The following PLCG2 variants were observed in gnomAD, a reference collection of about 807,000 sequenced individuals.
PLCG2 encodes the protein phospholipase C gamma 2, also known as 1-phosphatidylinositol 4,5-bisphosphate phosphodiesterase gamma-2.
In PLCG2, 69 loss-of-function variants were observed where a neutral mutation model predicts 175.6. The observed-to-expected ratio is 0.39, with a 90% CI of 0.32 to 0.48. PLCG2 has a LOEUF of 0.48. Ranked by LOEUF, PLCG2 falls within the 20% of genes least tolerant of loss-of-function variation. PLCG2 has a pLI of 0.91. For synonymous variants in PLCG2, 827 were observed against 624.0 expected (o/e 1.33, Z -4.85); for missense variants, 1,798 against 1,650.9 (o/e 1.09, Z -1.54).
At chr16:81,947,420 C>G (rs1033319559) in intron 31 of PLCG2, among the ~76,000 whole-genome samples, 2 of 152,204 alleles carry the variant, frequency 1.3e-5, no homozygotes, top group Non-Finnish European at 2.9e-5. Flanking sequence ...CTCGGCATTT[C>G]TGTCCACACT....
Position 81,910,707 on chromosome 16 carries a change from C to G in PLCG2, c.1921C>G (p.His641Asp), listed in dbSNP as rs573799583. ...GGACCCTGTGCCCAACCCCAACCCC[C>G]ACGAGTCCAAGCCGTACGTGTCTGA... ...LTDPVPNPNPHESKPWYYDSL... is the reference protein window; with the variant it reads ...LTDPVPNPNPDESKPWYYDSL... Residue 641 changes from histidine (H) to aspartate (D), a missense_variant, in exon 18 of 33, where the codon CAC becomes GAC. Coordinates refer to ENST00000564138, the MANE Select transcript of PLCG2 (RefSeq NM_002661.5). 1.2e-6 allele frequency: 2 copies of G among 1,609,562 alleles called. No individual in the cohort carries two copies. Among genetic ancestry groups the G allele is most frequent in the East Asian group, 2.2e-5 (1 of 44,874 alleles).
intron 2 of PLCG2, among the ~76,000 whole-genome samples, chr16:81,826,472 C>G (rs1000554678): frequency 2.0e-5 from 3 of 152,222 alleles, no homozygotes; most frequent in Non-Finnish European, 4.4e-5. Flanking sequence ...GTGCCTCAGT[C>G]TCCTCACTGA....
intron 2 of PLCG2, among the ~76,000 whole-genome samples, chr16:81,793,785 G>A (rs1206541026): frequency 6.6e-6 from 1 of 152,228 alleles, no homozygotes; most frequent in African/African-American, 2.4e-5. Flanking sequence ...CAGTGGTCCA[G>A]TGAAGGGGGA....
At chr16:81,855,568 C>T (rs1477518264) in intron 3 of PLCG2, among the ~76,000 whole-genome samples, 2 of 152,192 alleles carry the variant, frequency 1.3e-5, no homozygotes, top group Admixed American at 6.5e-5. Flanking sequence ...AGGTTGTGTA[C>T]ATGCCAGTGA....
chr16:81,782,069 G>A (rs1910760692), intron 1 of PLCG2, among the ~76,000 whole-genome samples: 1 of 152,042 alleles, frequency 6.6e-6, no homozygotes, highest in African/African-American at 2.4e-5. Flanking sequence ...GTAGAGACGG[G>A]GTTTCATCGT....
intron 6 of PLCG2, among the ~76,000 whole-genome samples, chr16:81,869,837 G>T (rs528994810): frequency 1.3e-5 from 2 of 152,302 alleles, no homozygotes; most frequent in East Asian, 3.9e-4. Context: ...CTCCATGAGT[G>T]ATGGGATATA....
chr16:81,748,166 C>G (rs1909740220), intron 1 of PLCG2, among the ~76,000 whole-genome samples: 1 of 152,170 alleles, frequency 6.6e-6, no homozygotes, highest in Non-Finnish European at 1.5e-5. Flanking sequence ...TGCGCCACCG[C>G]ACCCGGCCAA....
chr16:81,856,017 C>G (rs35554443), intron 3 of PLCG2, among the ~76,000 whole-genome samples: 39,443 of 152,046 alleles, frequency 0.26, 5,598 homozygotes, highest in Non-Finnish European at 0.32. Flanking sequence ...ACCAGAAGAA[C>G]CCGGGTCTTG....
At chr16:81,847,307 A>G (rs1295683618) in intron 2 of PLCG2, among the ~76,000 whole-genome samples, 1 of 152,224 alleles carries the variant, frequency 6.6e-6, no homozygotes, top group East Asian at 1.9e-4. Flanking sequence ...TTAGCAACCA[A>G]GAAGCTCTCT....
intron 1 of PLCG2, among the ~76,000 whole-genome samples, chr16:81,741,431 C>T (rs1172443857): frequency 2.0e-5 from 3 of 151,910 alleles, no homozygotes; most frequent in African/African-American, 4.8e-5. Flanking sequence ...ATTTTTTTTC[C>T]GTCAAAAATT....
intron 7 of PLCG2, among the ~76,000 whole-genome samples, chr16:81,877,971 T>A (rs549255818): frequency 3.9e-5 from 4 of 102,332 alleles, no homozygotes; most frequent in African/African-American, 7.4e-5. Flanking sequence ...CTTTTTTTTT[T>A]AATTTTTTTT....
intron 20 of PLCG2, among the ~76,000 whole-genome samples, chr16:81,920,405 G>C (rs1053959548): frequency 3.5e-4 from 53 of 152,302 alleles, no homozygotes; most frequent in African/African-American, 1.3e-3. Context: ...GGAGAGGAGA[G>C]ACAGATAATA....
chr16:81,926,933 C>T, intron 22 of PLCG2, 149 bp from the exon 23 acceptor site: 2 of 640,400 alleles, frequency 3.1e-6, no homozygotes, highest in Non-Finnish European at 5.7e-6. Context: ...CTTTGAGATG[C>T]TCCATTGTCA....
At chr16:81,834,797 A>T (rs1008585427) in intron 2 of PLCG2, among the ~76,000 whole-genome samples, 1 of 152,220 alleles carries the variant, frequency 6.6e-6, no homozygotes, top group Non-Finnish European at 1.5e-5. Context: ...ACCTCCTGCC[A>T]GTCCCCAGAG....
At position 81,816,651 on chromosome 16, in the gene PLCG2, A is replaced by ACTTTTTTTTTTTTTTTTTT. The variant is rs1555509092; in HGVS notation, c.193+30469_193+30470insCTTTTTTTTTTTTTTTTTT. Among the ~76,000 whole-genome samples the ACTTTTTTTTTTTTTTTTTT allele has an allele frequency of 3.7e-5, 4 of 108,858 alleles. 2 individuals carry two copies. Among genetic ancestry groups the ACTTTTTTTTTTTTTTTTTT allele is most frequent in the African/African-American group, 7.6e-5 (2 of 26,478 alleles). 71.4% of individuals were successfully genotyped at this position (108,858 alleles called of 152,430 possible). A position where few individuals can be genotyped will look rare whatever the true frequency, so the allele number is the denominator to read the frequency against. On this transcript the variant is annotated intron_variant, in intron 2 of 32. Transcript: ENST00000564138. The stretch of plus-strand genomic sequence containing the variant: ...GCACCACCATGCCCAGCTAATTTTA[A>ACTTTTTTTTTTTTTTTTTT]TTTTTTTTTTTTTTTTTTTTTTTTT...
chr16:81,939,981 G>A lies in PLCG2; in HGVS notation c.3403G>A (p.Val1135Met). 6.2e-7 allele frequency: 1 copy of A among 1,614,084 alleles called. No homozygotes were observed. Among genetic ancestry groups the A allele is most frequent in the South Asian group, 1.1e-5 (1 of 91,084 alleles). Residue 1135 changes from valine to methionine, a missense_variant, in exon 30 of 33, where the codon GTG (valine) becomes ATG (methionine). Transcript: ENST00000564138. ...CCCAAACCTGGCATTTCTGCGCTTT[G>A]TGGTTTATGAAGAAGATATGTTCAG... ...YDPNLAFLRF[V>M]VYEEDMFSDP...
chr16:81,742,407 T>C (rs1189771417), intron 1 of PLCG2, among the ~76,000 whole-genome samples: 1 of 152,120 alleles, frequency 6.6e-6, no homozygotes, highest in African/African-American at 2.4e-5. Context: ...TGCCTGTGTA[T>C]GACTCTAAGA....
Position 81,931,651 on chromosome 16 carries a change from C to T in PLCG2, c.2736C>T (p.Thr912=), listed in dbSNP as rs1208514316. 1.9e-6 allele frequency: 3 copies of T among 1,613,410 alleles called. No homozygotes were observed. Among genetic ancestry groups the T allele is most frequent in the South Asian group, 1.1e-5 (1 of 90,986 alleles). ...SIREITWKID[T]KENNMKYWEK... Reference sequence around the variant, plus strand: ...GAGAGATCACCTGGAAGATTGACACCAAGGTAGGCACCTGCTCACCCGGGT... The same window carrying T: ...GAGAGATCACCTGGAAGATTGACACTAAGGTAGGCACCTGCTCACCCGGGT... Residue 912 remains threonine (T), a synonymous_variant, in exon 25 of 33, where the codon ACC becomes ACT. Coordinates refer to ENST00000564138, the MANE Select transcript of PLCG2 (RefSeq NM_002661.5).
intron 2 of PLCG2, among the ~76,000 whole-genome samples, chr16:81,805,767 G>GTTTTTTTGTTTTTTT (rs1911983342): frequency 2.5e-5 from 1 of 39,520 alleles, no homozygotes; most frequent in African/African-American, 1.2e-4. Flanking sequence ...GTTTTGTTTT[G>GTTTTTTTGTTTTTTT]TTTTTTTTTT....
Sources: allele counts gnomAD v4.1 joint callset (sites outside exome capture counted in the v4.1 genomes callset), GRCh38; gene constraint gnomAD v4.1.1; transcripts MANE v1.5; gene names NCBI Gene and HGNC (gene_info 2026-07-23, HGNC 2026-07-21).